Variants in DGKI observed in about 807,000 individuals in gnomAD.
The protein encoded by DGKI is diacylglycerol kinase iota.
A neutral mutation model predicts 147.5 loss-of-function variants in DGKI; 55 were observed. The ratio of observed to expected loss-of-function variants is 0.37; its 90% CI spans 0.30 to 0.47. The LOEUF (loss-of-function observed/expected upper bound fraction) is 0.47, where lower values mean the gene tolerates loss of function less well. Ranked by LOEUF, DGKI falls within the 20% of genes least tolerant of loss-of-function variation. The pLI, the probability that DGKI is intolerant of heterozygous loss-of-function variation, is 1.00. For missense variants in DGKI, 1,007 were observed against 1,323.8 expected, an observed-to-expected ratio of 0.76 and a Z score of 3.71; for synonymous variants, 469 against 477.1, an observed-to-expected ratio of 0.98 and a Z score of 0.22.
At chr7:137,463,910 A>G (rs910363073) in intron 26 of DGKI, among the ~76,000 whole-genome samples, 13 of 152,312 alleles carry the variant, frequency 8.5e-5, no homozygotes, top group East Asian at 3.9e-4. Context: ...AGAAAATAAC[A>G]AAGTCCATCC....
intron 32 of DGKI, among the ~76,000 whole-genome samples, chr7:137,393,044 T>C (rs983022807): frequency 2.0e-5 from 3 of 152,032 alleles, no homozygotes; most frequent in Admixed American, 6.6e-5. Context: ...CTTCATCTAG[T>C]TAAAAACAAC....
At position 137,445,982 on chromosome 7, in the gene DGKI, G is replaced by A. The variant is rs546789836; in HGVS notation, c.2736-1880C>T. On this transcript the variant is annotated intron_variant, in intron 27 of 32. Coordinates refer to ENST00000614521, the MANE Select transcript of DGKI (RefSeq NM_001321708.2). The stretch of plus-strand genomic sequence containing the variant: ...AAGTAAGATGAGCTAATTTCTTCAG[G>A]TGCTTAGGTCATACTAGAATCAGCC... Among the ~76,000 whole-genome samples, 8 of 152,324 alleles carry A rather than the reference G, an allele frequency of 5.3e-5. No homozygotes were observed. The East Asian group carries it at 1.5e-3, about 29-fold the overall frequency.
intron 20 of DGKI, among the ~76,000 whole-genome samples, chr7:137,530,176 C>G (rs1385623062): frequency 1.3e-5 from 2 of 152,122 alleles, no homozygotes; most frequent in African/African-American, 4.8e-5. Context: ...TCTCTTTTTC[C>G]TTTATCCATG....
In DGKI at chr7:137,485,410, C is replaced by A. The variant is rs770541647; in HGVS notation, c.2337G>T (p.Gln779His). ...MYIDRLQEDL[Q>H]SVSSGSQRVH... Reference sequence around the variant, plus strand: ...CTCTCTGGGAGCCAGAAGAAACTGACTGTAGGTCCTAATGAGAAAATGAAA... The same window carrying A: ...CTCTCTGGGAGCCAGAAGAAACTGAATGTAGGTCCTAATGAGAAAATGAAA... Residue 779 changes from glutamine to histidine, a missense_variant, in exon 23 of 33, where the codon CAG (glutamine) becomes CAT (histidine). Around this residue, in one of 5 missense-constraint regions of DGKI, gnomAD observed 385 missense variants for 445.2 expected, o/e 0.86. Transcript: ENST00000614521. 1.9e-6 allele frequency: 3 copies of A among 1,608,252 alleles called. No individual in the cohort carries two copies. Among genetic ancestry groups the A allele is most frequent in the Non-Finnish European group, 2.5e-6 (3 of 1,177,074 alleles).
At position 137,391,037 on chromosome 7, in the gene DGKI, G is replaced by A. The variant is rs754564291; in HGVS notation, c.*183C>T. The A allele has an allele frequency of 8.1e-5, 48 of 593,944 alleles. No individual in the cohort carries two copies. Among genetic ancestry groups the A allele is most frequent in the Non-Finnish European group, 1.0e-4 (34 of 335,134 alleles). The allele number at this position is 593,944 out of a possible 1,614,324, so 36.8% of individuals were successfully genotyped here. ...CAGGTATCCTGCCTCCTTCTCAATG[G>A]GCTATCATGTTCTGTTGTACATCTT... is the stretch of plus-strand genomic sequence containing the variant. On this transcript the variant is annotated 3_prime_UTR_variant, in exon 33 of 33. Coordinates refer to ENST00000614521, the MANE Select transcript of DGKI (RefSeq NM_001321708.2).
At chr7:137,455,968 C>A (rs1814189673) in intron 27 of DGKI, among the ~76,000 whole-genome samples, 1 of 152,090 alleles carries the variant, frequency 6.6e-6, no homozygotes, top group Non-Finnish European at 1.5e-5. Context: ...TCTGTTTAAT[C>A]AAATTATTCA....
intron 1 of DGKI, among the ~76,000 whole-genome samples, chr7:137,832,996 G>A (rs985721692): frequency 6.6e-6 from 1 of 152,154 alleles, no homozygotes; most frequent in Admixed American, 6.5e-5. Context: ...TTTCCAACAA[G>A]TTCCTTGTCT....
At chr7:137,463,744 A>G (rs1814543988) in intron 26 of DGKI, 133 bp from the exon 27 acceptor site, 3 of 936,018 alleles carry the variant, frequency 3.2e-6, no homozygotes, top group Admixed American at 2.7e-5. Context: ...TTTACCAGAT[A>G]CTACCCATTT....
chr7:137,493,641 C>G, intron 21 of DGKI: 1 of 669,546 alleles, frequency 1.5e-6, no homozygotes. Flanking sequence ...CCAACAACAC[C>G]AAAGAAAATG....
chr7:137,441,874 T>C (rs1813524035), intron 28 of DGKI, among the ~76,000 whole-genome samples: 1 of 152,216 alleles, frequency 6.6e-6, no homozygotes, highest in Non-Finnish European at 1.5e-5. Context: ...AATGCCATTA[T>C]TGTGTACAAA....
intron 1 of DGKI, among the ~76,000 whole-genome samples, chr7:137,824,508 T>C: frequency 8.3e-6 from 1 of 120,780 alleles, no homozygotes; most frequent in African/African-American, 3.7e-5. Flanking sequence ...AGAGTGAGAC[T>C]CCATCTCAAA....
At chr7:137,831,067 T>C (rs1798202589) in intron 1 of DGKI, among the ~76,000 whole-genome samples, 1 of 152,228 alleles carries the variant, frequency 6.6e-6, no homozygotes, top group Non-Finnish European at 1.5e-5. Context: ...TGATAATATA[T>C]TCATTTTTCC....
At position 137,718,703 on chromosome 7, in the gene DGKI, G is replaced by C. The variant is rs530287501; in HGVS notation, c.402-28701C>G. ...GAGGGACTTGTCATCCTTGAGGTGA[G>C]CACAACAGTTGCCAGGATACACTAG... On this transcript the variant is annotated intron_variant, in intron 1 of 32. Transcript: ENST00000614521. Among the ~76,000 whole-genome samples the C allele has an allele frequency of 4.1e-4, 62 of 152,296 alleles. 1 individual carries two copies. The South Asian group carries it at 0.01, about 26-fold the overall frequency.
Position 137,842,216 on chromosome 7 carries a change from A to G in DGKI, c.401+4246T>C, listed in dbSNP as rs558172573. On this transcript the variant is annotated intron_variant, in intron 1 of 32. Transcript: ENST00000614521. ...ATTCAGGAGAAAAGTTCCCCCATAC[A>G]CTATTGATTACAATGCAAGGAAGAC... Among the ~76,000 whole-genome samples the G allele has an allele frequency of 3.3e-5, 5 of 152,334 alleles. No individual in the cohort carries two copies. In the South Asian group the frequency reaches 1.0e-3, roughly 32 times the overall value.
At chr7:137,770,134 T>C (rs1796139306) in intron 1 of DGKI, among the ~76,000 whole-genome samples, 1 of 152,208 alleles carries the variant, frequency 6.6e-6, no homozygotes, top group Non-Finnish European at 1.5e-5. Context: ...CATGGAATAC[T>C]ATGCAGCCAT....
At chr7:137,623,980 G>A (rs1237379174) in intron 6 of DGKI, among the ~76,000 whole-genome samples, 1 of 150,512 alleles carries the variant, frequency 6.6e-6, no homozygotes, top group Non-Finnish European at 1.5e-5. Flanking sequence ...AAAAAAAAAA[G>A]AAATGAAATA....
intron 1 of DGKI, among the ~76,000 whole-genome samples, chr7:137,816,509 C>T (rs957019819): frequency 1.3e-5 from 2 of 152,142 alleles, no homozygotes; most frequent in African/African-American, 4.8e-5. Context: ...CACATTCTTC[C>T]ACTCAGAACA....
rs1585215714 is a variant in DGKI, at chr7:137,544,240, A to G, written c.2147+8129T>C. Among the ~76,000 whole-genome samples the G allele has an allele frequency of 2.6e-5, 4 of 152,300 alleles. No individual in the cohort carries two copies. The Middle Eastern group carries it at 0.014, about 518-fold the overall frequency. ...TAGAAACAAGATGACTATCATATGC[A>G]TTTCTGCTGTTAACATTCTCAATTC... On this transcript the variant is annotated intron_variant, in intron 20 of 32. Coordinates refer to ENST00000614521, the MANE Select transcript of DGKI (RefSeq NM_001321708.2).
chr7:137,402,970 G>A (rs780474955), intron 30 of DGKI, among the ~76,000 whole-genome samples: 7 of 152,190 alleles, frequency 4.6e-5, no homozygotes, highest in Admixed American at 6.5e-5. Context: ...AAAACCAGTA[G>A]GAGGCAATGG....
Sources: allele counts gnomAD v4.1 joint callset (sites outside exome capture counted in the v4.1 genomes callset), GRCh38; gene constraint gnomAD v4.1.1; regional missense constraint gnomAD v4.1.1; transcripts MANE v1.5; gene names NCBI Gene and HGNC (gene_info 2026-07-23, HGNC 2026-07-21).